AGMO: variants seen among roughly 807,000 people sequenced by gnomAD.
The protein encoded by AGMO is alkylglycerol monooxygenase.
A neutral mutation model predicts 60.2 loss-of-function variants in AGMO; 75 were observed. The ratio of observed to expected loss-of-function variants is 1.25; its 90% CI spans 1.03 to 1.51. AGMO has a LOEUF of 1.51. AGMO is among the 40% of genes most tolerant of loss of function. The pLI is 0.00. For missense variants in AGMO, 763 were observed against 525.5 expected (o/e 1.45, Z -4.42); for synonymous variants, 261 against 177.1 (o/e 1.47, Z -3.76).
chr7:15,555,288 T>TAC (rs1314573595), intron 2 of AGMO, among the ~76,000 whole-genome samples: 11 of 99,998 alleles, frequency 1.1e-4, no homozygotes, highest in South Asian at 2.7e-4. Context: ...TATATATATA[T>TAC]ATATACACAC....
chr7:15,326,795 T>C (rs1348663558), intron 12 of AGMO, among the ~76,000 whole-genome samples: 1 of 152,120 alleles, frequency 6.6e-6, no homozygotes, highest in Non-Finnish European at 1.5e-5. Context: ...GGGAAGTCTA[T>C]GTACAAAAGG....
chr7:15,506,618 GTTTCTCAAA>G (rs1259644095), intron 3 of AGMO, among the ~76,000 whole-genome samples: 1 of 151,930 alleles, frequency 6.6e-6, no homozygotes, highest in African/African-American at 2.4e-5. Context: ...ATAAAGCCAA[GTTTCTCAAA>G]TATTATTTGG....
the AGMO span, among the ~76,000 whole-genome samples, chr7:15,138,715 G>A: frequency 2.0e-5 from 3 of 152,160 alleles, no homozygotes; most frequent in Non-Finnish European, 2.9e-5. Context: ...AGCCTGAGAC[G>A]GTAACATAAT....
At chr7:15,443,810 T>A (rs1035083561) in intron 3 of AGMO, among the ~76,000 whole-genome samples, 2 of 152,154 alleles carry the variant, frequency 1.3e-5, no homozygotes, top group African/African-American at 4.8e-5. Flanking sequence ...TTGAAAAAAA[T>A]CTGTATCTTC....
chr7:15,431,669 T>C (rs1781243301), intron 3 of AGMO, among the ~76,000 whole-genome samples: 1 of 151,906 alleles, frequency 6.6e-6, no homozygotes, highest in Admixed American at 6.6e-5. Context: ...TACTCTTTTA[T>C]TTATAAAAAG....
rs545358862 is a variant in AGMO at position 15,370,295 on chromosome 7, A to G, written c.1075-4073T>C. On this transcript the variant is annotated intron_variant, in intron 10 of 12. Transcript: ENST00000342526. ...TGTAACACGTTTTCTTCAACAACCA[A>G]TCCTCCGTTGGTGGGCACCTAGGTT... 2.6e-5 allele frequency among the ~76,000 whole-genome samples: 4 copies of G among 152,212 alleles called. No individual in the cohort carries two copies. In the South Asian group the frequency reaches 6.2e-4, roughly 24 times the overall value.
intron 12 of AGMO, among the ~76,000 whole-genome samples, chr7:15,228,609 G>A (rs984504414): frequency 6.6e-6 from 1 of 152,066 alleles, no homozygotes; most frequent in African/African-American, 2.4e-5. Flanking sequence ...GTCATTAAGA[G>A]AAAAGGAGGA....
At chr7:15,152,662 A>G in the AGMO span, among the ~76,000 whole-genome samples, 1 of 152,156 alleles carries the variant, frequency 6.6e-6, no homozygotes, top group African/African-American at 2.4e-5. Flanking sequence ...GGTTGCTGTG[A>G]ATGCCATTAT....
chr7:15,143,958 T>G, the AGMO span, among the ~76,000 whole-genome samples: 1 of 152,204 alleles, frequency 6.6e-6, no homozygotes, highest in Non-Finnish European at 1.5e-5. Context: ...TTGTAAATTA[T>G]ACATTTCAAT....
chr7:15,129,013 C>T, the AGMO span, among the ~76,000 whole-genome samples: 8 of 151,914 alleles, frequency 5.3e-5, no homozygotes, highest in South Asian at 2.1e-4. Context: ...TGTTTGAATG[C>T]GGGTGGTGGT....
At chr7:15,269,654 T>C (rs892394490) in intron 12 of AGMO, among the ~76,000 whole-genome samples, 4 of 152,122 alleles carry the variant, frequency 2.6e-5, no homozygotes, top group African/African-American at 9.7e-5. Flanking sequence ...ATGTGCAAGT[T>C]TGTTGCACAT....
At chr7:15,193,173 T>C in the AGMO span, among the ~76,000 whole-genome samples, 22,522 of 152,172 alleles carry the variant, frequency 0.15, 1,861 homozygotes, top group South Asian at 0.29. Flanking sequence ...ATAACACTTA[T>C]ATTCTGAAAA....
At chr7:15,161,177 G>A in the AGMO span, among the ~76,000 whole-genome samples, 1 of 152,096 alleles carries the variant, frequency 6.6e-6, no homozygotes, top group African/African-American at 2.4e-5. Context: ...TCCAACAAAT[G>A]CTTTTGAGGG....
intron 12 of AGMO, among the ~76,000 whole-genome samples, chr7:15,245,383 G>A (rs1473697316): frequency 1.3e-5 from 2 of 152,130 alleles, no homozygotes; most frequent in Non-Finnish European, 2.9e-5. Flanking sequence ...TAGAGCCTAA[G>A]CTAGTCTAAT....
intron 12 of AGMO, among the ~76,000 whole-genome samples, chr7:15,274,466 C>A (rs1783717868): frequency 2.0e-5 from 3 of 152,142 alleles, no homozygotes; most frequent in Non-Finnish European, 4.4e-5. Flanking sequence ...CAGGGTGAAG[C>A]CCACTTGATC....
At chr7:15,231,505 A>G (rs1033209027) in intron 12 of AGMO, among the ~76,000 whole-genome samples, 5 of 152,204 alleles carry the variant, frequency 3.3e-5, no homozygotes, top group Admixed American at 6.5e-5. Flanking sequence ...TTTGCGTTAT[A>G]TTTTATAATG....
intron 3 of AGMO, among the ~76,000 whole-genome samples, chr7:15,440,779 A>C (rs1295164429): frequency 6.6e-6 from 1 of 152,218 alleles, no homozygotes; most frequent in African/African-American, 2.4e-5. Flanking sequence ...CTAACCAATA[A>C]AAAATGTGTA....
intron 12 of AGMO, 150 bp from the exon 13 acceptor site, chr7:15,201,509 T>C (rs1016070207): frequency 2.4e-5 from 14 of 584,638 alleles, no homozygotes; most frequent in African/African-American, 3.8e-5. Context: ...TGTTCACTGA[T>C]AGAACTTAGC....
chr7:15,190,213 A>T, the AGMO span, among the ~76,000 whole-genome samples: 1 of 6,756 alleles, frequency 1.5e-4, no homozygotes, highest in African/African-American at 6.8e-4. Context: ...ATATATATAT[A>T]TATATATATA....
Sources: gnomAD v4.1 joint callset for allele counts (sites outside exome capture counted in the v4.1 genomes callset) on GRCh38, gnomAD v4.1.1 for gene constraint, MANE v1.5 for transcripts, NCBI Gene and HGNC (gene_info 2026-07-23, HGNC 2026-07-21) for gene names.